The following PRELID2 variants were observed in gnomAD, a reference collection of about 807,000 sequenced individuals.
PRELID2 encodes the protein PRELI domain-containing protein 2.
A neutral mutation model predicts 28.4 loss-of-function variants in PRELID2; 25 were observed. The ratio of observed to expected loss-of-function variants is 0.88; its 90% confidence interval spans 0.64 to 1.23. The LOEUF is 1.23. Among genes scored for constraint, PRELID2 ranks in the 50% most tolerant of loss-of-function variants. PRELID2 has a pLI of 0.00. For missense variants in PRELID2, 201 were observed against 214.4 expected, an observed-to-expected ratio of 0.94 and a Z score of 0.39; for synonymous variants, 76 against 71.6, an observed-to-expected ratio of 1.06 and a Z score of -0.31.
intron 1 of PRELID2, among the ~76,000 whole-genome samples, chr5:145,632,306 C>T (rs1034594506): frequency 3.9e-5 from 6 of 152,094 alleles, no homozygotes; most frequent in Admixed American, 2.0e-4. Flanking sequence ...AAACAATCAC[C>T]GAACTTTAAC....
the PRELID2 span, among the ~76,000 whole-genome samples, chr5:145,372,461 T>A: frequency 3.9e-4 from 60 of 152,148 alleles, no homozygotes; most frequent in African/African-American, 1.3e-3. Context: ...AAATCTCCCA[T>A]TATTTTTGTG....
intron 1 of PRELID2, among the ~76,000 whole-genome samples, chr5:145,504,488 C>G (rs1752389417): frequency 6.6e-6 from 1 of 152,114 alleles, no homozygotes. Flanking sequence ...CTTTCATGTT[C>G]CAGATCATGT....
At chr5:145,235,124 C>T in the PRELID2 span, among the ~76,000 whole-genome samples, 7,718 of 152,132 alleles carry the variant, frequency 0.051, 346 homozygotes, top group African/African-American at 0.12. Context: ...CAGCATTTCA[C>T]TGAGCCATTC....
the PRELID2 span, among the ~76,000 whole-genome samples, chr5:145,251,365 A>C: frequency 6.6e-6 from 1 of 151,788 alleles, no homozygotes; most frequent in African/African-American, 2.4e-5. Context: ...CAAACTTTTT[A>C]AGTGGGCCAT....
intron 1 of PRELID2, among the ~76,000 whole-genome samples, chr5:145,548,894 C>T (rs1752809511): frequency 6.6e-6 from 1 of 152,160 alleles, no homozygotes; most frequent in Non-Finnish European, 1.5e-5. Context: ...CCCTGATAAT[C>T]CCAATCAAAT....
chr5:145,253,249 A>G, the PRELID2 span, among the ~76,000 whole-genome samples: 1 of 152,144 alleles, frequency 6.6e-6, no homozygotes, highest in Non-Finnish European at 1.5e-5. Context: ...TTGAGGTAGA[A>G]CCTGTGGTTG....
chr5:145,307,948 A>C, the PRELID2 span, among the ~76,000 whole-genome samples: 1 of 152,194 alleles, frequency 6.6e-6, no homozygotes, highest in Non-Finnish European at 1.5e-5. Context: ...TCTGTTTGAC[A>C]TACAGTTTCC....
chr5:145,425,814 C>T, the PRELID2 span, among the ~76,000 whole-genome samples: 1 of 151,860 alleles, frequency 6.6e-6, no homozygotes, highest in Non-Finnish European at 1.5e-5. Flanking sequence ...CAAACCTGCA[C>T]ATCCTGCACA....
chr5:145,303,798 A>ATGGT, the PRELID2 span, among the ~76,000 whole-genome samples: 4 of 152,300 alleles, frequency 2.6e-5, no homozygotes, highest in East Asian at 7.7e-4. Flanking sequence ...CCATTTCATG[A>ATGGT]TGGTGCTTGT....
chr5:145,820,048 A>G, intron 2 of PRELID2, 30 bp from the exon 3 acceptor site: 1 of 1,269,992 alleles, frequency 7.9e-7, no homozygotes, highest in Non-Finnish European at 1.1e-6. Flanking sequence ...ACACAAAAAA[A>G]AATTAAAGAA....
At chr5:145,765,182 T>C (rs1383291458) in intron 5 of PRELID2, among the ~76,000 whole-genome samples, 182 bp from the exon 6 acceptor site, 4 of 152,152 alleles carry the variant, frequency 2.6e-5, no homozygotes, top group Admixed American at 1.3e-4. Context: ...ACATACATTA[T>C]CTCCGCATGT....
Position 145,759,046 on chromosome 5 carries a change from G to A in PRELID2, c.*1490C>T, listed in dbSNP as rs1757353190. On this transcript the variant is annotated 3_prime_UTR_variant, in exon 7 of 7. Transcript: ENST00000683046. ...GATGGAGTCTTGCTCTGTCACCCAG[G>A]CTGGGGTGCAGTGGCACAATCTCAG... 1 of 138,098 alleles carries A rather than the reference G, an allele frequency of 7.2e-6. No homozygotes were observed. Among genetic ancestry groups the A allele is most frequent in the Admixed American group, 8.1e-5 (1 of 12,416 alleles). 8.6% of individuals were successfully genotyped at this position (138,098 alleles called of 1,614,324 possible).
At chr5:145,300,832 A>T in the PRELID2 span, among the ~76,000 whole-genome samples, 1 of 150,102 alleles carries the variant, frequency 6.7e-6, no homozygotes, top group Non-Finnish European at 1.5e-5. Context: ...AAGTTGGTGT[A>T]TTTATTGTTA....
intron 1 of PRELID2, among the ~76,000 whole-genome samples, chr5:145,574,737 C>G (rs1295140439): frequency 6.6e-6 from 1 of 152,142 alleles, no homozygotes; most frequent in Non-Finnish European, 1.5e-5. Context: ...TGTGGATGCT[C>G]AAGTCCCTTA....
At chr5:145,353,340 G>A in the PRELID2 span, among the ~76,000 whole-genome samples, 1 of 152,176 alleles carries the variant, frequency 6.6e-6, no homozygotes, top group South Asian at 2.1e-4. Flanking sequence ...GGGCACACCT[G>A]TAGTCTCAGA....
At chr5:145,738,704 G>T (rs1040999263) in intron 1 of PRELID2, among the ~76,000 whole-genome samples, 3 of 152,066 alleles carry the variant, frequency 2.0e-5, no homozygotes, top group Admixed American at 6.6e-5. Flanking sequence ...TAAAATAAAA[G>T]ATCTAACTCC....
chr5:145,597,025 C>T (rs1434343783), intron 1 of PRELID2, among the ~76,000 whole-genome samples: 2 of 152,104 alleles, frequency 1.3e-5, no homozygotes, highest in Admixed American at 6.6e-5. Context: ...AAAAATACTA[C>T]ATAGCAGAAA....
the PRELID2 span, among the ~76,000 whole-genome samples, chr5:145,327,937 C>T: frequency 6.6e-6 from 1 of 151,988 alleles, no homozygotes; most frequent in Non-Finnish European, 1.5e-5. Flanking sequence ...TCCCCTACTC[C>T]CCCCATCCCC....
chr5:145,655,328 G>A (rs1244768833), intron 1 of PRELID2, among the ~76,000 whole-genome samples: 9 of 152,040 alleles, frequency 5.9e-5, no homozygotes, highest in African/African-American at 2.2e-4. Flanking sequence ...TACTGCCCAA[G>A]GTAATTTATA....
Sources: gnomAD v4.1 joint callset for allele counts (sites outside exome capture counted in the v4.1 genomes callset) on GRCh38, gnomAD v4.1.1 for gene constraint, MANE v1.5 for transcripts, NCBI Gene and HGNC (gene_info 2026-07-23, HGNC 2026-07-21) for gene names.